SGCD: variants seen among roughly 807,000 people sequenced by gnomAD.
SGCD encodes the protein delta-sarcoglycan.
SGCD carries 18 observed loss-of-function variants against 36.6 expected under a neutral mutation model. The ratio of observed to expected loss-of-function variants is 0.49; its 90% CI spans 0.34 to 0.73. The LOEUF (loss-of-function observed/expected upper bound fraction) is 0.73, where lower values mean the gene tolerates loss of function less well. SGCD is among the 30% of genes least tolerant of loss of function. The probability of loss-of-function intolerance (pLI) is 0.01; values close to 1 mark genes in which losing one functional copy is unlikely to be tolerated. For synonymous variants in SGCD, 133 were observed against 130.6 expected (o/e 1.02, Z -0.12); for missense variants, 387 against 346.7 (o/e 1.12, Z -0.92).
chr5:156,655,128 A>G (rs1325146244), intron 7 of SGCD, among the ~76,000 whole-genome samples: 1 of 152,166 alleles, frequency 6.6e-6, no homozygotes, highest in Admixed American at 6.5e-5. Flanking sequence ...AATGGAAAAC[A>G]AATGGATTCA....
chr5:156,515,722 C>T (rs77542985), intron 4 of SGCD, among the ~76,000 whole-genome samples: 4,801 of 152,342 alleles, frequency 0.032, 264 homozygotes, highest in African/African-American at 0.11. Context: ...AGACTCTCAG[C>T]AGCTGCTCGA....
the SGCD span, among the ~76,000 whole-genome samples, chr5:155,766,337 G>A: frequency 2.0e-4 from 30 of 152,160 alleles, no homozygotes; most frequent in African/African-American, 6.3e-4. Context: ...AAGCTGAAGC[G>A]CACCACATCC....
chr5:156,253,600 A>G (rs972613108), intron 3 of SGCD, among the ~76,000 whole-genome samples: 1 of 152,216 alleles, frequency 6.6e-6, no homozygotes, highest in Non-Finnish European at 1.5e-5. Flanking sequence ...CCCATCTTCC[A>G]AAATACTTAT....
At chr5:156,615,173 C>A (rs941048868) in intron 6 of SGCD, among the ~76,000 whole-genome samples, 1 of 152,188 alleles carries the variant, frequency 6.6e-6, no homozygotes, top group African/African-American at 2.4e-5. Flanking sequence ...GCCAGTGCAA[C>A]TAAGAGGCAT....
At chr5:156,699,230 T>G (rs1457855946) in intron 7 of SGCD, among the ~76,000 whole-genome samples, 1 of 152,120 alleles carries the variant, frequency 6.6e-6, no homozygotes, top group East Asian at 1.9e-4. Context: ...TTAATGGGAA[T>G]CAGGTATAGA....
intron 4 of SGCD, among the ~76,000 whole-genome samples, chr5:156,565,495 A>G (rs962223770): frequency 1.3e-5 from 2 of 152,184 alleles, no homozygotes; most frequent in African/African-American, 4.8e-5. Flanking sequence ...CACTACAATT[A>G]ATCTTTTGGG....
chr5:155,894,722 T>C (rs1188006900), intron 1 of SGCD, among the ~76,000 whole-genome samples: 1 of 152,144 alleles, frequency 6.6e-6, no homozygotes, highest in Non-Finnish European at 1.5e-5. Flanking sequence ...TACGAGACTC[T>C]AACGCCTGAT....
At chr5:156,541,556 G>A (rs912725488) in intron 4 of SGCD, among the ~76,000 whole-genome samples, 7 of 152,006 alleles carry the variant, frequency 4.6e-5, no homozygotes, top group Non-Finnish European at 8.8e-5. Flanking sequence ...GATTCTTTTT[G>A]GAATTATTTT....
intron 4 of SGCD, among the ~76,000 whole-genome samples, chr5:156,559,382 C>G (rs1378764587): frequency 6.6e-6 from 1 of 152,148 alleles, no homozygotes; most frequent in Non-Finnish European, 1.5e-5. Context: ...ACAACAATGC[C>G]TTATTGGTAC....
the SGCD span, among the ~76,000 whole-genome samples, chr5:155,825,728 GTTTT>G: frequency 0.31 from 45,559 of 147,052 alleles, 7,875 homozygotes; most frequent in East Asian, 0.41. Flanking sequence ...TTTATTATTT[GTTTT>G]TTTTTTTTTG....
intron 1 of SGCD, among the ~76,000 whole-genome samples, chr5:156,057,252 C>T (rs1284121487): frequency 1.4e-5 from 2 of 146,346 alleles, no homozygotes; most frequent in African/African-American, 4.9e-5. Context: ...TTCAAACCCA[C>T]CCCAAAGATA....
chr5:156,128,456 C>T (rs1480060439), intron 3 of SGCD, among the ~76,000 whole-genome samples: 2 of 151,124 alleles, frequency 1.3e-5, no homozygotes, highest in East Asian at 3.9e-4. Flanking sequence ...ATAACTCAAT[C>T]CTGAAAACAA....
the SGCD span, among the ~76,000 whole-genome samples, chr5:155,782,425 C>CA: frequency 3.1e-3 from 470 of 151,328 alleles, 2 homozygotes; most frequent in Middle Eastern, 0.01. Flanking sequence ...CAAAACAAAA[C>CA]AAAAAAAACA....
intron 1 of SGCD, among the ~76,000 whole-genome samples, chr5:156,072,625 T>G (rs577370745): frequency 3.9e-5 from 6 of 152,242 alleles, no homozygotes; most frequent in South Asian, 4.2e-4. Context: ...TTGTTCTTCT[T>G]GAGGAGTATC....
rs1427035160 is a variant in SGCD, at chr5:156,060,947, C to T, written c.-281-56931C>T. On this transcript the variant is annotated intron_variant, in intron 1 of 9. Transcript: ENST00000517913. ...CCCATATGCCACCTCATTTTAACAT[C>T]CCCAGTTCCTATCACCGTGGTCAGC... 1.4e-5 allele frequency among the ~76,000 whole-genome samples: 2 copies of T among 145,418 alleles called. 1 individual carries two copies. Among genetic ancestry groups the T allele is most frequent in the Non-Finnish European group, 3.1e-5 (2 of 64,600 alleles).
intron 1 of SGCD, among the ~76,000 whole-genome samples, chr5:155,932,046 A>G (rs1332450747): frequency 6.6e-6 from 1 of 152,144 alleles, no homozygotes; most frequent in Non-Finnish European, 1.5e-5. Context: ...CACCCTCATG[A>G]TTCAATCACT....
intron 1 of SGCD, among the ~76,000 whole-genome samples, chr5:156,089,673 GC>G (rs1214017187): frequency 1.3e-5 from 2 of 152,324 alleles, no homozygotes; most frequent in Admixed American, 6.5e-5. Context: ...AAATGGCATA[GC>G]CTTTGTATTG....
At chr5:156,228,966 A>G (rs569102642) in intron 3 of SGCD, among the ~76,000 whole-genome samples, 123 of 152,134 alleles carry the variant, frequency 8.1e-4, no homozygotes, top group African/African-American at 2.6e-3. Flanking sequence ...GGAAAGGCAC[A>G]CCGACCCTTA....
intron 3 of SGCD, among the ~76,000 whole-genome samples, chr5:156,489,789 A>G (rs1425337087): frequency 1.3e-5 from 2 of 152,080 alleles, no homozygotes; most frequent in Non-Finnish European, 2.9e-5. Flanking sequence ...TTTCTAATAA[A>G]CAACCTAATG....
Sources: allele counts gnomAD v4.1 joint callset (sites outside exome capture counted in the v4.1 genomes callset), GRCh38; gene constraint gnomAD v4.1.1; transcripts MANE v1.5; gene names NCBI Gene and HGNC (gene_info 2026-07-23, HGNC 2026-07-21).